Variants in SNX2 observed in about 807,000 individuals in gnomAD.
SNX2 encodes the protein sorting nexin 2, also known as sorting nexin-2.
Under a neutral mutation model 69.9 loss-of-function variants are expected in SNX2, and 25 were observed. The ratio of observed to expected loss-of-function variants is 0.36; its 90% CI spans 0.26 to 0.50. The LOEUF (loss-of-function observed/expected upper bound fraction) is 0.50. Among genes scored for constraint, SNX2 ranks in the 20% least tolerant of loss-of-function variants. SNX2 has a pLI of 0.97. For synonymous variants in SNX2, 229 were observed against 200.4 expected (o/e 1.14, Z -1.20); for missense variants, 551 against 613.3 (o/e 0.90, Z 1.07).
intron 1 of SNX2, among the ~76,000 whole-genome samples, chr5:122,791,769 C>T (rs1283166661): frequency 6.6e-6 from 1 of 152,214 alleles, no homozygotes; most frequent in Non-Finnish European, 1.5e-5. Flanking sequence ...GTGGTTAATT[C>T]TTTGACATAT....
chr5:122,816,965 G>A lies in SNX2; in HGVS notation c.849G>A (p.Arg283=), dbSNP rs1211850523. The A allele has an allele frequency of 4.3e-6, 7 of 1,613,884 alleles. No individual in the cohort carries two copies. Among genetic ancestry groups the A allele is most frequent in the Non-Finnish European group, 5.9e-6 (7 of 1,179,848 alleles). The change falls in exon 9 of 15, where the codon AGG becomes AGA. Residue 283 remains arginine, a synonymous_variant. Transcript: ENST00000379516. The part of the protein sequence containing the change: ...TQALSGAGIL[R]MVNKAADAVN... ...CTCTGAGTGGAGCAGGAATATTGAG[G>A]ATGGTGAACAAGGCTGCCGACGCTG...
At chr5:122,778,597 C>T (rs903621204) in intron 1 of SNX2, among the ~76,000 whole-genome samples, 5 of 152,128 alleles carry the variant, frequency 3.3e-5, no homozygotes, top group African/African-American at 1.2e-4. Flanking sequence ...CAGTCTCCAC[C>T]TCCCAGGTTC....
At position 122,821,473 on chromosome 5, in the gene SNX2, G is replaced by A. The variant is rs1435668059; in HGVS notation, c.1212+2450G>A. Among the ~76,000 whole-genome samples the A allele has an allele frequency of 1.0e-4, 14 of 134,500 alleles. No homozygotes were observed. In the East Asian group the frequency reaches 1.7e-3, roughly 16 times the overall value. The allele number at this position is 134,500 out of a possible 152,430, so 88.2% of individuals were successfully genotyped here. On this transcript the variant is annotated intron_variant, in intron 11 of 14. Transcript: ENST00000379516. Reference sequence around the variant, plus strand: ...TAGATGTCCTTTTTTTTTTTTTTTCGCAGACGGAGACTCGCTCTGTCGCCC... The same window carrying A: ...TAGATGTCCTTTTTTTTTTTTTTTCACAGACGGAGACTCGCTCTGTCGCCC...
chr5:122,803,425 T>A (rs755123899), intron 5 of SNX2, 47 bp from the exon 6 acceptor site: 5 of 1,557,290 alleles, frequency 3.2e-6, no homozygotes, highest in Non-Finnish European at 2.6e-6. Context: ...ACTTGTGGAA[T>A]AATTGCTTGC....
chr5:122,790,414 C>T (rs1753206450), intron 1 of SNX2, among the ~76,000 whole-genome samples: 1 of 152,062 alleles, frequency 6.6e-6, no homozygotes, highest in Non-Finnish European at 1.5e-5. Flanking sequence ...AGCCACCGTG[C>T]CTGGCCGAGG....
rs377633295 is a variant in SNX2 at position 122,826,104 on chromosome 5, A to G, written c.1267A>G (p.Thr423Ala). ...GCAGAAATGGGAAGATGCTCAAATT[A>G]CTTTGCTCAAAAAACGTGAAGCTGA... Reference protein sequence around the residue: ...CWQKWEDAQITLLKKREAEAK... With the variant: ...CWQKWEDAQIALLKKREAEAK... The change falls in exon 12 of 15, where the codon ACT (threonine) becomes GCT (alanine). Residue 423 changes from threonine to alanine, a missense_variant. Thr to Ala is a moderately conservative substitution (Grantham distance 58). Transcript: ENST00000379516. 1.9e-6 allele frequency: 3 copies of G among 1,613,338 alleles called. No individual in the cohort carries two copies. Among genetic ancestry groups the G allele is most frequent in the South Asian group, 1.1e-5 (1 of 91,054 alleles).
intron 1 of SNX2, among the ~76,000 whole-genome samples, chr5:122,789,215 G>A (rs1753156746): frequency 6.6e-6 from 1 of 152,084 alleles, no homozygotes; most frequent in Non-Finnish European, 1.5e-5. Context: ...GCACCACTCA[G>A]GTCTTAGTCT....
rs541509502 is a variant in SNX2 at position 122,831,801 on chromosome 5, G to T, written c.*2153G>T. 6.6e-6 allele frequency among the ~76,000 whole-genome samples: 1 copy of T among 152,280 alleles called. No individual in the cohort carries two copies. The highest frequency in any genetic ancestry group is 1.9e-4 in the East Asian group (1 of 5,186). ...TATTATTAAAATCTTCCATTCAGAT[G>T]TGGTACATTAGAATATTCAGTACCT... On this transcript the variant is annotated 3_prime_UTR_variant, in exon 15 of 15. Transcript: ENST00000379516.
At chr5:122,801,652 C>CGTGTGTGGGTGTGTGTGT (rs1753514668) in intron 3 of SNX2, among the ~76,000 whole-genome samples, 1 of 132,056 alleles carries the variant, frequency 7.6e-6, no homozygotes, top group African/African-American at 3.0e-5. Context: ...TGGTCTTTTT[C>CGTGTGTGGGTGTGTGTGT]GTGTGTGTGT....
intron 2 of SNX2, 33 bp from the exon 3 acceptor site, chr5:122,799,659 T>C: frequency 2.6e-6 from 4 of 1,563,300 alleles, no homozygotes; most frequent in Non-Finnish European, 3.5e-6. Flanking sequence ...TGCTTGCCAG[T>C]GTTCTTAACT....
At chr5:122,775,688 C>T (rs1303323301) in intron 1 of SNX2, 13 of 986,112 alleles carry the variant, frequency 1.3e-5, no homozygotes, top group Non-Finnish European at 1.6e-5. Context: ...AATGGGTGCA[C>T]TTTCCCAGGA....
intron 1 of SNX2, among the ~76,000 whole-genome samples, chr5:122,786,783 A>G (rs544656671): frequency 5.3e-5 from 8 of 151,754 alleles, no homozygotes; most frequent in African/African-American, 1.9e-4. Flanking sequence ...TTATTTTTAT[A>G]TTGTTGCTTT....
chr5:122,792,163 A>G (rs1184224395), intron 1 of SNX2, among the ~76,000 whole-genome samples: 1 of 152,236 alleles, frequency 6.6e-6, no homozygotes, highest in Non-Finnish European at 1.5e-5. Flanking sequence ...GCCTCTTTAA[A>G]TTTTCCTATA....
intron 5 of SNX2, among the ~76,000 whole-genome samples, chr5:122,802,582 T>C (rs1753540611): frequency 1.3e-5 from 2 of 152,184 alleles, no homozygotes; most frequent in Admixed American, 6.5e-5. Context: ...TTAAAGAAGT[T>C]CAAAGAAGAG....
chr5:122,786,985 G>C (rs1439194202), intron 1 of SNX2, among the ~76,000 whole-genome samples: 1 of 152,126 alleles, frequency 6.6e-6, no homozygotes, highest in Non-Finnish European at 1.5e-5. Context: ...CATTTATTAA[G>C]AATACAGATG....
At chr5:122,777,816 CGTTTATCA>C (rs1391533186) in intron 1 of SNX2, among the ~76,000 whole-genome samples, 1 of 152,146 alleles carries the variant, frequency 6.6e-6, no homozygotes, top group East Asian at 1.9e-4. Flanking sequence ...TTACCTCAAA[CGTTTATCA>C]GTTCTTTGTG....
At chr5:122,823,629 A>G (rs1754077668) in intron 11 of SNX2, among the ~76,000 whole-genome samples, 1 of 152,212 alleles carries the variant, frequency 6.6e-6, no homozygotes, top group Admixed American at 6.5e-5. Flanking sequence ...AGAGGAATTT[A>G]TAAATGAAGA....
intron 1 of SNX2, among the ~76,000 whole-genome samples, chr5:122,794,786 C>G (rs1443237348): frequency 6.6e-6 from 1 of 152,124 alleles, no homozygotes; most frequent in Non-Finnish European, 1.5e-5. Flanking sequence ...CTTTGGGAGG[C>G]TGAAGTGGGA....
At chr5:122,789,809 G>A (rs556034454) in intron 1 of SNX2, among the ~76,000 whole-genome samples, 2 of 152,258 alleles carry the variant, frequency 1.3e-5, no homozygotes, top group African/African-American at 2.4e-5. Context: ...AAGAGGAAAG[G>A]AATAGACTCT....
Sources: gnomAD v4.1 joint callset for allele counts (sites outside exome capture counted in the v4.1 genomes callset) on GRCh38, gnomAD v4.1.1 for gene constraint, MANE v1.5 for transcripts, NCBI Gene and HGNC (gene_info 2026-07-23, HGNC 2026-07-21) for gene names.